The following SLC24A2 variants were observed in gnomAD, a reference collection of about 807,000 sequenced individuals.
SLC24A2 encodes solute carrier family 24 member 2.
SLC24A2 carries 36 observed loss-of-function variants against 62.0 expected under a neutral mutation model. The ratio of observed to expected loss-of-function variants is 0.58; its 90% confidence interval spans 0.44 to 0.77. The LOEUF (loss-of-function observed/expected upper bound fraction) is 0.77. SLC24A2 is among the 30% of genes least tolerant of loss of function. SLC24A2 has a pLI of 0.00. For synonymous variants in SLC24A2, 358 were observed against 294.0 expected (o/e 1.22, Z -2.23); for missense variants, 846 against 817.9 (o/e 1.03, Z -0.42).
intron 2 of SLC24A2, among the ~76,000 whole-genome samples, chr9:19,714,227 G>A (rs915035901): frequency 6.6e-6 from 1 of 152,140 alleles, no homozygotes; most frequent in African/African-American, 2.4e-5. Flanking sequence ...TTGTGAAGCT[G>A]TGCATATGCA....
the SLC24A2 span, among the ~76,000 whole-genome samples, chr9:19,838,100 C>T: frequency 7.2e-5 from 11 of 151,982 alleles, no homozygotes; most frequent in East Asian, 3.9e-4. Context: ...AAAAAGAGCC[C>T]GCATTGCCAA....
At chr9:20,192,617 G>A in the SLC24A2 span, among the ~76,000 whole-genome samples, 1 of 152,126 alleles carries the variant, frequency 6.6e-6, no homozygotes, top group Non-Finnish European at 1.5e-5. Flanking sequence ...TAGTTCAACT[G>A]GGATTAAGAA....
the SLC24A2 span, among the ~76,000 whole-genome samples, chr9:19,828,954 C>T: frequency 6.6e-6 from 1 of 152,096 alleles, no homozygotes; most frequent in Non-Finnish European, 1.5e-5. Context: ...CCTCCAGATC[C>T]CTAATGGACA....
chr9:19,698,781 A>T lies in SLC24A2; in HGVS notation c.931-76482T>A, dbSNP rs1820270180. ...ACTCTCTGTATTGCAGAAGGAAAGG[A>T]ATCCTGCCTAGGTGACATGGACCCA... On this transcript the variant is annotated intron_variant, in intron 2 of 10. Transcript: ENST00000341998. Among the ~76,000 whole-genome samples, 2 of 152,196 alleles carry T rather than the reference A, an allele frequency of 1.3e-5. 1 individual carries two copies. The highest frequency in any genetic ancestry group is 4.8e-5 in the African/African-American group (2 of 41,466).
At chr9:19,553,235 C>G (rs1834929140) in intron 7 of SLC24A2, among the ~76,000 whole-genome samples, 1 of 152,176 alleles carries the variant, frequency 6.6e-6, no homozygotes, top group South Asian at 2.1e-4. Flanking sequence ...AAGTTTGAGG[C>G]TTATTTTGTC....
chr9:19,613,591 C>G (rs999889023), intron 4 of SLC24A2, among the ~76,000 whole-genome samples: 18 of 152,146 alleles, frequency 1.2e-4, no homozygotes, highest in African/African-American at 3.1e-4. Context: ...TTTAAAAAAC[C>G]CTCTCTGGCA....
intron 1 of SLC24A2, 75 bp from the exon 2 acceptor site, chr9:19,787,094 A>G (rs1334531028): frequency 2.5e-6 from 2 of 810,296 alleles, no homozygotes; most frequent in Non-Finnish European, 3.0e-6. Context: ...TGCAGATATG[A>G]TAAAGTCCTG....
At chr9:19,838,639 CAAAAAAAAAAGA>C in the SLC24A2 span, among the ~76,000 whole-genome samples, 2 of 124,442 alleles carry the variant, frequency 1.6e-5, no homozygotes, top group Admixed American at 1.7e-4. Flanking sequence ...ACTCTGGTCT[CAAAAAAAAAAGA>C]AAAAAAAAAG....
the SLC24A2 span, among the ~76,000 whole-genome samples, chr9:20,241,113 A>G: frequency 6.6e-5 from 10 of 152,328 alleles, no homozygotes; most frequent in East Asian, 1.9e-3. Context: ...TACCTTTACC[A>G]ATGAAACCAC....
chr9:19,814,806 A>G, the SLC24A2 span, among the ~76,000 whole-genome samples: 1 of 152,218 alleles, frequency 6.6e-6, no homozygotes, highest in African/African-American at 2.4e-5. Context: ...CTGTCTATGA[A>G]GTAAAAAATG....
the SLC24A2 span, among the ~76,000 whole-genome samples, chr9:19,826,266 C>G: frequency 6.7e-6 from 1 of 150,204 alleles, no homozygotes; most frequent in Non-Finnish European, 1.5e-5. Flanking sequence ...TTTCTGGATA[C>G]AGTAGGGGAG....
chr9:20,195,687 C>T, the SLC24A2 span, among the ~76,000 whole-genome samples: 36 of 152,182 alleles, frequency 2.4e-4, no homozygotes, highest in African/African-American at 8.4e-4. Flanking sequence ...TAGCCCTTTG[C>T]TTCACAGTTT....
chr9:19,647,145 T>G (rs7848123), intron 2 of SLC24A2, among the ~76,000 whole-genome samples: 85,635 of 150,624 alleles, frequency 0.57, 24,911 homozygotes, highest in East Asian at 0.82. Flanking sequence ...TTCATAGCCT[T>G]CTTTGATTAT....
At chr9:20,210,511 T>C in the SLC24A2 span, among the ~76,000 whole-genome samples, 2 of 151,888 alleles carry the variant, frequency 1.3e-5, no homozygotes, top group African/African-American at 4.8e-5. Context: ...TCTCGCTCTG[T>C]CGCCCAGGCT....
chr9:20,185,611 G>C, the SLC24A2 span, among the ~76,000 whole-genome samples: 62 of 150,012 alleles, frequency 4.1e-4, no homozygotes, highest in South Asian at 9.5e-3. Context: ...CTTGCAGTGA[G>C]CCGAGGTTGC....
chr9:19,737,728 G>A (rs116756670), intron 2 of SLC24A2, among the ~76,000 whole-genome samples: 1,993 of 151,972 alleles, frequency 0.013, 34 homozygotes, highest in African/African-American at 0.045. Flanking sequence ...TTAAAGGCAA[G>A]ATGCAAATAA....
the SLC24A2 span, among the ~76,000 whole-genome samples, chr9:19,883,053 T>A: frequency 6.6e-6 from 1 of 152,248 alleles, no homozygotes; most frequent in African/African-American, 2.4e-5. Context: ...CTCTATTTAT[T>A]ACAAATATTT....
In SLC24A2 at chr9:19,661,060, T is replaced by C. The variant is rs376489075; in HGVS notation, c.931-38761A>G. On this transcript the variant is annotated intron_variant, in intron 2 of 10. Coordinates refer to ENST00000341998, the MANE Select transcript of SLC24A2 (RefSeq NM_020344.4). ...CTGCTACAAGAGCTAGTGTTTGAAATACTTACAGGCCTTGCATATAGGATT... is the reference window on the plus strand; with the variant it reads ...CTGCTACAAGAGCTAGTGTTTGAAACACTTACAGGCCTTGCATATAGGATT... Among the ~76,000 whole-genome samples, 6 of 152,278 alleles carry C rather than the reference T, an allele frequency of 3.9e-5. No homozygotes were observed. The East Asian group carries it at 9.7e-4, about 24-fold the overall frequency.
intron 5 of SLC24A2, among the ~76,000 whole-genome samples, chr9:19,593,793 A>C (rs1315774388): frequency 6.6e-6 from 1 of 152,164 alleles, no homozygotes; most frequent in Non-Finnish European, 1.5e-5. Context: ...CAGGGTCTGC[A>C]TCACCACTTA....
Sources: allele counts gnomAD v4.1 joint callset (sites outside exome capture counted in the v4.1 genomes callset), GRCh38; gene constraint gnomAD v4.1.1; transcripts MANE v1.5; gene names NCBI Gene and HGNC (gene_info 2026-07-23, HGNC 2026-07-21).